Variants in LRP8 observed in about 807,000 individuals in gnomAD.
The protein encoded by LRP8 is LDL receptor related protein 8.
A neutral mutation model predicts 111.6 loss-of-function variants in LRP8; 46 were observed. That is an observed-to-expected ratio of 0.41 (90% CI 0.33 to 0.53). LRP8 has a LOEUF of 0.53. Ranked by LOEUF, LRP8 falls within the 20% of genes least tolerant of loss-of-function variation. The pLI, the probability that LRP8 is intolerant of heterozygous loss-of-function variation, is 0.20. For synonymous variants in LRP8, 464 were observed against 511.2 expected (o/e 0.91, Z 1.24); for missense variants, 959 against 1,297.4 (o/e 0.74, Z 4.01).
intron 1 of LRP8, chr1:53,327,346 A>G: frequency 3.6e-6 from 1 of 281,210 alleles, no homozygotes; most frequent in Non-Finnish European, 6.7e-6. Context: ...TGGGAGCCGC[A>G]GGCACATCAC....
chr1:53,301,840 T>C (rs1446473095), intron 2 of LRP8, among the ~76,000 whole-genome samples: 1 of 151,578 alleles, frequency 6.6e-6, no homozygotes, highest in Non-Finnish European at 1.5e-5. Flanking sequence ...AAGTGAGAGG[T>C]GGACCTTCCT....
chr1:53,268,511 T>G (rs1395353761), intron 8 of LRP8: 4 of 152,224 alleles, frequency 2.6e-5, no homozygotes, highest in African/African-American at 7.2e-5. Flanking sequence ...ACAGTTTGGG[T>G]GTTACAGTTT....
At position 53,279,086 on chromosome 1, in the gene LRP8, G is replaced by A. The variant is rs1647025200; in HGVS notation, c.496+1501C>T. Reference sequence around the variant, plus strand: ...AATTTTTAATTTTACTTGAAGACTTGGATGGCAAGGAAGTGCTTCTTCATA... The same window carrying A: ...AATTTTTAATTTTACTTGAAGACTTAGATGGCAAGGAAGTGCTTCTTCATA... On this transcript the variant is annotated intron_variant, in intron 4 of 18. Coordinates refer to ENST00000306052, the MANE Select transcript of LRP8 (RefSeq NM_004631.5). This position sits in a 1 kb window ranked among gnomAD's most constrained non-coding sequence, Gnocchi z 4.4. Among the ~76,000 whole-genome samples, 3 of 151,940 alleles carry A rather than the reference G, an allele frequency of 2.0e-5. No homozygotes were observed. In the South Asian group the frequency reaches 6.2e-4, roughly 31 times the overall value.
chr1:53,302,910 G>A lies in LRP8; in HGVS notation c.245-13221C>T, dbSNP rs201517591. Among the ~76,000 whole-genome samples, 7 of 142,998 alleles carry A rather than the reference G, an allele frequency of 4.9e-5. No homozygotes were observed. The East Asian group carries it at 1.3e-3, about 26-fold the overall frequency. 93.8% of individuals were successfully genotyped at this position (142,998 alleles called of 152,430 possible). A position where few individuals can be genotyped will look rare whatever the true frequency, so the allele number is the denominator to read the frequency against. On this transcript the variant is annotated intron_variant, in intron 2 of 18. Coordinates refer to ENST00000306052, the MANE Select transcript of LRP8 (RefSeq NM_004631.5). ...AGAGACAGTTTCATCATGCTGCCCAGGCGGCCTAGAGCCGTACTACAGCAG... is the reference window on the plus strand; with the variant it reads ...AGAGACAGTTTCATCATGCTGCCCAAGCGGCCTAGAGCCGTACTACAGCAG...
chr1:53,298,369 G>A (rs926423556), intron 2 of LRP8, among the ~76,000 whole-genome samples: 1 of 152,190 alleles, frequency 6.6e-6, no homozygotes, highest in Non-Finnish European at 1.5e-5. Flanking sequence ...GGTGGGTATG[G>A]GGGAGAGGTG....
chr1:53,299,144 A>C (rs1035234113), intron 2 of LRP8, among the ~76,000 whole-genome samples: 1 of 152,074 alleles, frequency 6.6e-6, no homozygotes, highest in Non-Finnish European at 1.5e-5. Context: ...TGTGGAGCGA[A>C]TGATTGAGTG....
intron 13 of LRP8, among the ~76,000 whole-genome samples, chr1:53,259,596 T>A (rs1389392215): frequency 6.7e-6 from 1 of 149,532 alleles, no homozygotes; most frequent in Admixed American, 6.7e-5. Context: ...TTTTTTTTTT[T>A]AAGAGGTAGG....
chr1:53,270,936 C>A (rs371628675), intron 8 of LRP8, 92 bp downstream of exon 8: 21 of 1,572,466 alleles, frequency 1.3e-5, no homozygotes, highest in Non-Finnish European at 1.8e-5. Context: ...CTTGTGTGTG[C>A]GCACATGTAC....
intron 12 of LRP8, 108 bp downstream of exon 12, chr1:53,261,960 C>G: frequency 1.5e-6 from 2 of 1,340,916 alleles, no homozygotes; most frequent in Non-Finnish European, 2.1e-6. Flanking sequence ...GTTGGTTTCC[C>G]TGTTCCTGTT....
rs939966470 is a variant in LRP8, at chr1:53,326,742, G to C, written c.244+131C>G. 2.1e-6 allele frequency: 3 copies of C among 1,418,782 alleles called. No individual in the cohort carries two copies. In the African/African-American group the frequency reaches 4.5e-5, roughly 21 times the overall value. The allele number at this position is 1,418,782 out of a possible 1,614,324, so 87.9% of individuals were successfully genotyped here. The stretch of plus-strand genomic sequence containing the variant: ...GGAGGCGGTGCCCAGGCGGTTTCCC[G>C]GTCGCAGGCTCCGGCGGCAAGTCCC... On this transcript the variant is annotated intron_variant, in intron 2 of 18. Coordinates refer to ENST00000306052, the MANE Select transcript of LRP8 (RefSeq NM_004631.5).
chr1:53,327,081 G>A, intron 1 of LRP8, 89 bp from the exon 2 acceptor site: 2 of 1,547,334 alleles, frequency 1.3e-6, no homozygotes, highest in Non-Finnish European at 1.7e-6. Context: ...GACCCGCTGG[G>A]GAGGAGGAAA....
chr1:53,252,514 C>A (rs192736484), intron 16 of LRP8, among the ~76,000 whole-genome samples: 4 of 151,878 alleles, frequency 2.6e-5, no homozygotes, highest in Admixed American at 1.3e-4. Context: ...CCAGCCTGGG[C>A]AAGAGTGCAA....
At chr1:53,326,210 G>C (rs905007337) in intron 2 of LRP8, among the ~76,000 whole-genome samples, 6 of 152,230 alleles carry the variant, frequency 3.9e-5, no homozygotes, top group African/African-American at 1.4e-4. Context: ...ACTGTGACTC[G>C]GCAGAAAAGC....
At position 53,266,983 on chromosome 1, in the gene LRP8, C is replaced by T. The variant is rs1646590792; in HGVS notation, c.1253-336G>A. On this transcript the variant is annotated intron_variant, in intron 8 of 18. Transcript: ENST00000306052. The surrounding 1 kb of genome is among the most constrained non-coding windows in gnomAD (Gnocchi z 5.0). ...CTGTCCAGCCTCATTACTCGCCTCTCCAACATAGCTTGATTCCACCTACCA... is the reference window on the plus strand; with the variant it reads ...CTGTCCAGCCTCATTACTCGCCTCTTCAACATAGCTTGATTCCACCTACCA... The T allele has an allele frequency of 4.2e-6, 1 of 238,858 alleles. No individual in the cohort carries two copies. Among genetic ancestry groups the T allele is most frequent in the Admixed American group, 4.8e-5 (1 of 21,004 alleles). 14.8% of individuals were successfully genotyped at this position (238,858 alleles called of 1,614,324 possible). A position where few individuals can be genotyped will look rare whatever the true frequency, so the allele number is the denominator to read the frequency against.
chr1:53,294,472 C>G lies in LRP8; in HGVS notation c.245-4783G>C, dbSNP rs1400525740. On this transcript the variant is annotated intron_variant, in intron 2 of 18. Transcript: ENST00000306052. This position sits in a 1 kb window ranked among gnomAD's most constrained non-coding sequence, Gnocchi z 4.1. ...GCCACTTGTAGGCTATGTGACCTTA[C>G]ACAAGTTACAGGACTCCTGTGAGCC... Among the ~76,000 whole-genome samples the G allele has an allele frequency of 1.3e-5, 2 of 152,236 alleles. No homozygotes were observed. Among genetic ancestry groups the G allele is most frequent in the African/African-American group, 4.8e-5 (2 of 41,468 alleles).
At chr1:53,257,518 G>A in intron 14 of LRP8, 54 bp from the exon 15 acceptor site, 6 of 1,405,188 alleles carry the variant, frequency 4.3e-6, no homozygotes, top group Non-Finnish European at 6.0e-6. Context: ...GTTGCCTAAG[G>A]TATTGCCTCT....
chr1:53,274,827 G>A (rs1277672377), intron 6 of LRP8: 2 of 456,196 alleles, frequency 4.4e-6, no homozygotes, highest in Non-Finnish European at 8.8e-6. Flanking sequence ...GACTCTGTTG[G>A]GCCGGACAAG....
intron 13 of LRP8, among the ~76,000 whole-genome samples, chr1:53,259,551 A>C (rs1263733926): frequency 6.6e-6 from 1 of 151,972 alleles, no homozygotes; most frequent in Non-Finnish European, 1.5e-5. Flanking sequence ...AGGCTCAAAG[A>C]GAACAAATTC....
chr1:53,282,763 A>T (rs1456551492), intron 3 of LRP8, among the ~76,000 whole-genome samples: 1 of 151,946 alleles, frequency 6.6e-6, no homozygotes, highest in Non-Finnish European at 1.5e-5. Flanking sequence ...CTATTTGGGA[A>T]CCCCTGGGTT....
Sources: allele counts gnomAD v4.1 joint callset (sites outside exome capture counted in the v4.1 genomes callset), GRCh38; gene constraint gnomAD v4.1.1; non-coding constraint Gnocchi (gnomAD v3.1); transcripts MANE v1.5; gene names NCBI Gene and HGNC (gene_info 2026-07-23, HGNC 2026-07-21).